The following FAM168A variants were observed in gnomAD, a reference collection of about 807,000 sequenced individuals.
FAM168A encodes the protein family with sequence similarity 168 member A.
Under a neutral mutation model 28.5 loss-of-function variants are expected in FAM168A, and 3 were observed. That is an observed-to-expected ratio of 0.11 (90% CI 0.05 to 0.27). FAM168A has a LOEUF of 0.27. FAM168A is among the 10% of genes least tolerant of loss of function. The probability of loss-of-function intolerance (pLI) is 1.00; values close to 1 mark genes in which losing one functional copy is unlikely to be tolerated. For synonymous variants in FAM168A, 122 were observed against 124.2 expected, an observed-to-expected ratio of 0.98 and a Z score of 0.12; for missense variants, 222 against 311.5, an observed-to-expected ratio of 0.71 and a Z score of 2.16.
At chr11:73,446,130 G>A (rs1401988267) in intron 2 of FAM168A, among the ~76,000 whole-genome samples, 1 of 152,118 alleles carries the variant, frequency 6.6e-6, no homozygotes. Context: ...TGAATTAGAA[G>A]GTACATTGAA....
chr11:73,571,302 G>T (rs1267105963), intron 1 of FAM168A, among the ~76,000 whole-genome samples: 1 of 137,266 alleles, frequency 7.3e-6, no homozygotes, highest in Non-Finnish European at 1.5e-5. Flanking sequence ...CCGAGCCGAA[G>T]CTGGACTGTA....
chr11:73,549,447 C>A (rs1943799745), intron 1 of FAM168A, among the ~76,000 whole-genome samples: 1 of 152,214 alleles, frequency 6.6e-6, no homozygotes, highest in African/African-American at 2.4e-5. Flanking sequence ...ATTTCAAGCA[C>A]TCAAGACCCA....
chr11:73,520,469 T>C (rs1383415590), intron 1 of FAM168A, among the ~76,000 whole-genome samples: 1 of 152,122 alleles, frequency 6.6e-6, no homozygotes, highest in Non-Finnish European at 1.5e-5. Context: ...GAAAGCACAT[T>C]ATGCAAAAAT....
At chr11:73,478,631 A>G (rs1478760789) in intron 1 of FAM168A, among the ~76,000 whole-genome samples, 1 of 152,222 alleles carries the variant, frequency 6.6e-6, no homozygotes, top group Admixed American at 6.6e-5. Context: ...AAGCTACTAA[A>G]AATACAAATT....
intron 1 of FAM168A, among the ~76,000 whole-genome samples, chr11:73,546,534 A>G (rs1489558368): frequency 1.3e-5 from 2 of 152,226 alleles, no homozygotes; most frequent in Non-Finnish European, 2.9e-5. Context: ...GGAGTTCAAG[A>G]CCAGCCTGAC....
intron 1 of FAM168A, among the ~76,000 whole-genome samples, chr11:73,581,456 T>C (rs1452008416): frequency 6.6e-6 from 1 of 152,174 alleles, no homozygotes; most frequent in African/African-American, 2.4e-5. Context: ...GATATGACTG[T>C]CCCCACTTTA....
intron 1 of FAM168A, among the ~76,000 whole-genome samples, chr11:73,522,887 T>G (rs1206528378): frequency 6.6e-6 from 1 of 151,592 alleles, no homozygotes; most frequent in Non-Finnish European, 1.5e-5. Context: ...GTGGCGGGCA[T>G]CTGTAATTCC....
At chr11:73,473,601 C>T (rs1867845781) in intron 1 of FAM168A, among the ~76,000 whole-genome samples, 1 of 152,068 alleles carries the variant, frequency 6.6e-6, no homozygotes, top group East Asian at 1.9e-4. Context: ...CTTGTTGTTC[C>T]CTGAAGACAC....
intron 2 of FAM168A, among the ~76,000 whole-genome samples, chr11:73,439,378 G>A (rs1035008529): frequency 3.9e-5 from 6 of 152,096 alleles, no homozygotes; most frequent in African/African-American, 7.2e-5. Context: ...TACCTATCCA[G>A]GTTAAAGGCC....
intron 1 of FAM168A, among the ~76,000 whole-genome samples, chr11:73,534,605 G>A (rs1943554040): frequency 6.6e-6 from 1 of 152,092 alleles, no homozygotes; most frequent in South Asian, 2.1e-4. Context: ...GTTTCGTCAT[G>A]TTGGCCAGGC....
intron 1 of FAM168A, among the ~76,000 whole-genome samples, chr11:73,580,710 T>C (rs1944232403): frequency 6.6e-6 from 1 of 152,248 alleles, no homozygotes; most frequent in Non-Finnish European, 1.5e-5. Context: ...TCTCCAAAGC[T>C]GGATTGATGT....
intron 2 of FAM168A, among the ~76,000 whole-genome samples, chr11:73,463,916 A>C (rs1867690865): frequency 6.6e-6 from 1 of 152,204 alleles, no homozygotes. Flanking sequence ...GTGAAAAAGT[A>C]ATTAAGTGAC....
At chr11:73,549,101 C>T (rs1943795082) in intron 1 of FAM168A, among the ~76,000 whole-genome samples, 1 of 152,108 alleles carries the variant, frequency 6.6e-6, no homozygotes, top group East Asian at 1.9e-4. Context: ...GCCACCATGC[C>T]CAGCTAATTT....
intron 1 of FAM168A, among the ~76,000 whole-genome samples, chr11:73,522,738 C>T (rs1943399059): frequency 6.6e-6 from 1 of 151,406 alleles, no homozygotes; most frequent in African/African-American, 2.4e-5. Flanking sequence ...TGAGGCCAGG[C>T]ATGGTGGCTC....
At position 73,436,541 on chromosome 11, in the gene FAM168A, C is replaced by T. The variant is rs7929809; in HGVS notation, c.71-5771G>A. On this transcript the variant is annotated intron_variant, in intron 2 of 7. Coordinates refer to ENST00000356467, the MANE Select transcript of FAM168A (RefSeq NM_015159.3). ...AATGACCAAAAAAAAAATCTTTATT[C>T]TCTCAAGATAATAAAGAAGAGGGCA... 8.7e-3 allele frequency among the ~76,000 whole-genome samples: 1,328 copies of T among 152,108 alleles called. 21 individuals are homozygous for T. The highest frequency in any genetic ancestry group is 0.03 in the African/African-American group (1,242 of 41,498).
intron 1 of FAM168A, among the ~76,000 whole-genome samples, chr11:73,535,090 C>T (rs749519231): frequency 6.6e-6 from 1 of 152,186 alleles, no homozygotes; most frequent in Non-Finnish European, 1.5e-5. Flanking sequence ...AGTTGCCCCA[C>T]ACATAGCCCA....
intron 2 of FAM168A, among the ~76,000 whole-genome samples, chr11:73,455,370 G>A (rs1037628372): frequency 2.0e-5 from 3 of 152,224 alleles, no homozygotes; most frequent in Admixed American, 1.3e-4. Flanking sequence ...CTGAGTAAAT[G>A]AGGCACCCCT....
At chr11:73,574,243 A>T (rs1184441829) in intron 1 of FAM168A, among the ~76,000 whole-genome samples, 1 of 152,138 alleles carries the variant, frequency 6.6e-6, no homozygotes, top group Non-Finnish European at 1.5e-5. Flanking sequence ...TCATTATCTC[A>T]TTTGATCTTC....
At chr11:73,565,290 T>C (rs1475641141) in intron 1 of FAM168A, among the ~76,000 whole-genome samples, 1 of 152,206 alleles carries the variant, frequency 6.6e-6, no homozygotes, top group Non-Finnish European at 1.5e-5. Flanking sequence ...CTCTTTCCAC[T>C]ATATGCGTAA....
Sources: allele counts gnomAD v4.1 joint callset (sites outside exome capture counted in the v4.1 genomes callset), GRCh38; gene constraint gnomAD v4.1.1; transcripts MANE v1.5; gene names NCBI Gene and HGNC (gene_info 2026-07-23, HGNC 2026-07-21).